The following SLC39A11 variants were observed in gnomAD, a reference collection of about 807,000 sequenced individuals.
SLC39A11 encodes solute carrier family 39 member 11.
SLC39A11 carries 33 observed loss-of-function variants against 36.1 expected under a neutral mutation model. The observed-to-expected ratio is 0.91, with a 90% CI of 0.69 to 1.22. The LOEUF (loss-of-function observed/expected upper bound fraction) is 1.22, where lower values mean the gene tolerates loss of function less well. Among genes scored for constraint, SLC39A11 ranks in the 50% most tolerant of loss-of-function variants. The pLI, the probability that SLC39A11 is intolerant of heterozygous loss-of-function variation, is 0.00. For missense variants in SLC39A11, 432 were observed against 430.3 expected (o/e 1.00, Z -0.03); for synonymous variants, 166 against 170.3 (o/e 0.97, Z 0.20).
chr17:72,977,901 G>A (rs908356461), intron 4 of SLC39A11, among the ~76,000 whole-genome samples: 6 of 152,224 alleles, frequency 3.9e-5, no homozygotes, highest in East Asian at 1.9e-4. Context: ...CCAGGAGACC[G>A]ACTGCATCGG....
intron 5 of SLC39A11, among the ~76,000 whole-genome samples, chr17:72,917,781 A>G (rs1299329165): frequency 3.9e-5 from 6 of 152,242 alleles, no homozygotes; most frequent in Non-Finnish European, 8.8e-5. Context: ...TATTATCAGT[A>G]GGTCAGGATT....
chr17:72,951,914 A>G (rs1202664743), intron 4 of SLC39A11, among the ~76,000 whole-genome samples: 21 of 151,904 alleles, frequency 1.4e-4, no homozygotes, highest in Admixed American at 1.3e-3. Flanking sequence ...CTTTCTATCA[A>G]TCTATATTCT....
chr17:73,009,174 T>G (rs890006710), intron 4 of SLC39A11, among the ~76,000 whole-genome samples: 3 of 151,336 alleles, frequency 2.0e-5, no homozygotes, highest in Admixed American at 6.6e-5. Flanking sequence ...CCATCCTGGC[T>G]AACACGGTGA....
intron 6 of SLC39A11, among the ~76,000 whole-genome samples, chr17:72,756,704 A>T (rs2144451326): frequency 6.6e-6 from 1 of 152,366 alleles, no homozygotes; most frequent in East Asian, 1.9e-4. Flanking sequence ...AGGTGGATGG[A>T]GGTGATGGTT....
intron 7 of SLC39A11, among the ~76,000 whole-genome samples, chr17:72,724,305 C>T (rs527246306): frequency 6.6e-6 from 1 of 152,252 alleles, no homozygotes; most frequent in South Asian, 2.1e-4. Context: ...TCCCATCTGG[C>T]TCCTTTCATT....
At chr17:73,058,898 G>GA (rs1370800754) in intron 3 of SLC39A11, among the ~76,000 whole-genome samples, 1 of 152,034 alleles carries the variant, frequency 6.6e-6, no homozygotes, top group Non-Finnish European at 1.5e-5. Context: ...TTTTGGGGTG[G>GA]CATTCCCTGA....
chr17:73,087,692 T>C (rs1298010293), intron 2 of SLC39A11, among the ~76,000 whole-genome samples: 1 of 151,280 alleles, frequency 6.6e-6, no homozygotes, highest in African/African-American at 2.4e-5. Flanking sequence ...GGTGTAAGGA[T>C]GGGGTTGTGG....
At chr17:72,877,800 T>C (rs1421413824) in intron 5 of SLC39A11, among the ~76,000 whole-genome samples, 2 of 151,716 alleles carry the variant, frequency 1.3e-5, no homozygotes, top group Admixed American at 6.6e-5. Context: ...TTCATTTTTA[T>C]TTTTTTATTT....
chr17:72,701,942 T>C (rs1018203314), intron 7 of SLC39A11, among the ~76,000 whole-genome samples: 5 of 151,780 alleles, frequency 3.3e-5, no homozygotes, highest in Non-Finnish European at 5.9e-5. Context: ...CCCATCTCTA[T>C]AGAATGTTTA....
intron 7 of SLC39A11, among the ~76,000 whole-genome samples, chr17:72,683,922 G>C (rs2071623190): frequency 6.6e-6 from 1 of 151,938 alleles, no homozygotes; most frequent in Non-Finnish European, 1.5e-5. Flanking sequence ...TTGAAAGGGG[G>C]GAATCACCCT....
At chr17:72,767,254 A>T (rs1458819442) in intron 6 of SLC39A11, among the ~76,000 whole-genome samples, 1 of 151,990 alleles carries the variant, frequency 6.6e-6, no homozygotes, top group Non-Finnish European at 1.5e-5. Flanking sequence ...TGTTTTGCTG[A>T]TTTTCTCAGT....
intron 7 of SLC39A11, among the ~76,000 whole-genome samples, chr17:72,661,951 A>G (rs760595056): frequency 3.3e-5 from 5 of 152,116 alleles, no homozygotes; most frequent in African/African-American, 4.8e-5. Flanking sequence ...CCACATTTCT[A>G]TGGGATCACT....
intron 5 of SLC39A11, among the ~76,000 whole-genome samples, chr17:72,888,514 G>C (rs983717465): frequency 1.3e-5 from 2 of 152,034 alleles, no homozygotes; most frequent in African/African-American, 4.8e-5. Flanking sequence ...AAATAGAGAC[G>C]CTTCTAAACA....
chr17:72,655,801 G>A (rs950471121), intron 7 of SLC39A11, among the ~76,000 whole-genome samples: 22 of 152,172 alleles, frequency 1.4e-4, no homozygotes, highest in Admixed American at 1.2e-3. Context: ...ATGCATAACA[G>A]AAGTGACAGA....
chr17:72,759,129 T>TAATAATAATAATAAA (rs201794070), intron 6 of SLC39A11, among the ~76,000 whole-genome samples: 55 of 150,878 alleles, frequency 3.6e-4, no homozygotes, highest in African/African-American at 1.3e-3. Flanking sequence ...ATAATAATAA[T>TAATAATAATAATAAA]AAATAATCTT....
At chr17:72,808,902 T>C (rs759234973) in intron 6 of SLC39A11, among the ~76,000 whole-genome samples, 2 of 152,124 alleles carry the variant, frequency 1.3e-5, no homozygotes, top group African/African-American at 2.4e-5. Context: ...AAATTATCCA[T>C]AAAAATCCTA....
At chr17:72,768,465 C>A (rs1326962536) in intron 6 of SLC39A11, among the ~76,000 whole-genome samples, 1 of 152,200 alleles carries the variant, frequency 6.6e-6, no homozygotes, top group South Asian at 2.1e-4. Context: ...TGGCACAGGG[C>A]ACCAGGCAGA....
chr17:72,669,835 A>C (rs2070915766), intron 7 of SLC39A11, among the ~76,000 whole-genome samples: 1 of 152,050 alleles, frequency 6.6e-6, no homozygotes, highest in African/African-American at 2.4e-5. Context: ...TCTCTACAAA[A>C]CAAACTATAT....
At chr17:72,975,852 T>A (rs1473654389) in intron 4 of SLC39A11, among the ~76,000 whole-genome samples, 1 of 152,236 alleles carries the variant, frequency 6.6e-6, no homozygotes, top group Admixed American at 6.5e-5. Context: ...CAAGAAGGAC[T>A]GAGGCTTTGA....
Sources: allele counts gnomAD v4.1 joint callset (sites outside exome capture counted in the v4.1 genomes callset), GRCh38; gene constraint gnomAD v4.1.1; transcripts MANE v1.5; gene names NCBI Gene and HGNC (gene_info 2026-07-23, HGNC 2026-07-21).